Variants in DLC1 observed in about 807,000 individuals in gnomAD.
The protein encoded by DLC1 is rho GTPase-activating protein 7.
In DLC1, 54 loss-of-function variants were observed where a neutral mutation model predicts 140.3. The observed-to-expected ratio is 0.38, with a 90% CI of 0.31 to 0.48. The LOEUF (loss-of-function observed/expected upper bound fraction) is 0.48, where lower values mean the gene tolerates loss of function less well. Among genes scored for constraint, DLC1 ranks in the 20% least tolerant of loss-of-function variants. DLC1 has a pLI of 0.96. For missense variants in DLC1, 2,536 were observed against 1,907.0 expected, an observed-to-expected ratio of 1.33 and a Z score of -6.14; for synonymous variants, 986 against 728.1, an observed-to-expected ratio of 1.35 and a Z score of -5.70.
chr8:13,496,567 CAT>C (rs1305432013), intron 2 of DLC1, among the ~76,000 whole-genome samples: 33 of 138,354 alleles, frequency 2.4e-4, no homozygotes, highest in East Asian at 3.9e-4. Flanking sequence ...TATCTACATT[CAT>C]ATATATATAC....
chr8:13,121,063 C>T (rs1821016309), intron 5 of DLC1, among the ~76,000 whole-genome samples: 1 of 152,108 alleles, frequency 6.6e-6, no homozygotes. Context: ...CAAAATCAGG[C>T]TTCGATGCAA....
chr8:13,143,846 G>GAGAGAGAGAGAGAGAGAGAGAC (rs1476183797), intron 5 of DLC1, among the ~76,000 whole-genome samples: 60 of 148,382 alleles, frequency 4.0e-4, no homozygotes, highest in Non-Finnish European at 3.8e-4. Context: ...GAGAGAGAGA[G>GAGAGAGAGAGAGAGAGAGAGAC]AGAGAGACAT....
chr8:13,603,140 A>G (rs1412658508), intron 1 of DLC1, among the ~76,000 whole-genome samples: 1 of 151,876 alleles, frequency 6.6e-6, no homozygotes, highest in Non-Finnish European at 1.5e-5. Flanking sequence ...CTTAAAATAA[A>G]AGAACTCTTA....
chr8:13,587,976 A>G (rs981616734), intron 1 of DLC1, among the ~76,000 whole-genome samples: 2 of 152,100 alleles, frequency 1.3e-5, no homozygotes, highest in African/African-American at 2.4e-5. Flanking sequence ...CATCACTCCT[A>G]TTGTATATAG....
intron 5 of DLC1, among the ~76,000 whole-genome samples, chr8:13,195,485 G>T (rs1304575771): frequency 1.3e-5 from 2 of 151,872 alleles, no homozygotes; most frequent in Admixed American, 6.6e-5. Flanking sequence ...ACTTAGATCC[G>T]TATGATATGA....
intron 6 of DLC1, among the ~76,000 whole-genome samples, chr8:13,111,520 G>A (rs1413938118): frequency 6.6e-6 from 1 of 152,154 alleles, no homozygotes; most frequent in Non-Finnish European, 1.5e-5. Context: ...TATCAGAACT[G>A]AAAACCAGAG....
At chr8:13,108,633 T>A (rs1819793997) in intron 7 of DLC1, among the ~76,000 whole-genome samples, 1 of 152,194 alleles carries the variant, frequency 6.6e-6, no homozygotes, top group Admixed American at 6.5e-5. Flanking sequence ...GCTGCAGTGA[T>A]ATTTTTATGA....
chr8:13,242,393 G>T (rs539428315), intron 5 of DLC1, among the ~76,000 whole-genome samples: 25 of 146,126 alleles, frequency 1.7e-4, no homozygotes, highest in African/African-American at 6.0e-4. Flanking sequence ...CTCCCCATCA[G>T]TTTTTTTTTT....
At chr8:13,103,039 G>A (rs1819230266) in intron 7 of DLC1, among the ~76,000 whole-genome samples, 186 bp from the exon 8 acceptor site, 1 of 152,178 alleles carries the variant, frequency 6.6e-6, no homozygotes, top group Non-Finnish European at 1.5e-5. Flanking sequence ...GGCCGGGCGT[G>A]GTGGCTCACG....
At chr8:13,532,639 T>G (rs1563424276) in intron 1 of DLC1, among the ~76,000 whole-genome samples, 1 of 152,150 alleles carries the variant, frequency 6.6e-6, no homozygotes, top group Non-Finnish European at 1.5e-5. Context: ...AAGGCTGGTG[T>G]GCAGTGGTGC....
intron 1 of DLC1, among the ~76,000 whole-genome samples, chr8:13,557,349 C>T (rs975908591): frequency 6.6e-5 from 10 of 152,190 alleles, no homozygotes; most frequent in Admixed American, 2.0e-4. Context: ...ATTGGGGTTA[C>T]AGTCTGGGTA....
intron 4 of DLC1, among the ~76,000 whole-genome samples, chr8:13,355,930 A>T (rs886582560): frequency 4.7e-5 from 7 of 150,160 alleles, no homozygotes; most frequent in Non-Finnish European, 8.9e-5. Context: ...TAAAAAAAAA[A>T]TTCAAAAAAA....
intron 1 of DLC1, among the ~76,000 whole-genome samples, chr8:13,535,507 G>C (rs1473139526): frequency 1.3e-5 from 2 of 151,530 alleles, no homozygotes; most frequent in East Asian, 3.9e-4. Context: ...GTTGACAAGG[G>C]CAAATTTTAA....
At chr8:13,187,263 A>G (rs1354308481) in intron 5 of DLC1, among the ~76,000 whole-genome samples, 1 of 152,182 alleles carries the variant, frequency 6.6e-6, no homozygotes, top group African/African-American at 2.4e-5. Context: ...GGTCTATGAT[A>G]GCAGACATTT....
At chr8:13,454,305 T>A (rs1043411588) in intron 2 of DLC1, among the ~76,000 whole-genome samples, 2 of 151,922 alleles carry the variant, frequency 1.3e-5, no homozygotes, top group African/African-American at 4.8e-5. Context: ...TGGAAAAAAA[T>A]TGATTTTCTT....
At chr8:13,261,281 T>C (rs1830457661) in intron 5 of DLC1, among the ~76,000 whole-genome samples, 1 of 152,056 alleles carries the variant, frequency 6.6e-6, no homozygotes, top group African/African-American at 2.4e-5. Context: ...CATGTGACTG[T>C]CTGGGAAAAG....
At chr8:13,451,060 A>AAAAAAAAAAAAAAAAAAAAAAAAG (rs1563357492) in intron 2 of DLC1, among the ~76,000 whole-genome samples, 1 of 148,218 alleles carries the variant, frequency 6.7e-6, no homozygotes, top group East Asian at 2.0e-4. Context: ...AAAAAAAAAA[A>AAAAAAAAAAAAAAAAAAAAAAAAG]AAAAAAAAGA....
chr8:13,604,565 C>T (rs1192953374), exon 1 of DLC1: 1 of 152,122 alleles, frequency 6.6e-6, no homozygotes, highest in Non-Finnish European at 1.5e-5. Context: ...TATTCCAAAG[C>T]AGAGTAGAGC....
intron 5 of DLC1, among the ~76,000 whole-genome samples, chr8:13,138,802 C>T (rs938702111): frequency 6.6e-6 from 1 of 152,058 alleles, no homozygotes; most frequent in African/African-American, 2.4e-5. Flanking sequence ...TTGTCAAAAC[C>T]CAAATGCTGG....
Sources: allele counts gnomAD v4.1 joint callset (sites outside exome capture counted in the v4.1 genomes callset), GRCh38; gene constraint gnomAD v4.1.1; transcripts MANE v1.5; gene names NCBI Gene and HGNC (gene_info 2026-07-23, HGNC 2026-07-21).